The following PPEF2 variants were observed in gnomAD, a reference collection of about 807,000 sequenced individuals.
PPEF2 encodes protein phosphatase with EF-hand domain 2, also known as serine/threonine-protein phosphatase with EF-hands 2.
PPEF2 carries 84 observed loss-of-function variants against 84.7 expected under a neutral mutation model. The ratio of observed to expected loss-of-function variants is 0.99; its 90% CI spans 0.83 to 1.19. The LOEUF is 1.19. Ranked by LOEUF, PPEF2 falls within the 50% of genes most tolerant of loss-of-function variation. The pLI is 0.00. For synonymous variants in PPEF2, 346 were observed against 345.2 expected, an observed-to-expected ratio of 1.00 and a Z score of -0.03; for missense variants, 924 against 937.5, an observed-to-expected ratio of 0.99 and a Z score of 0.19.
chr4:75,881,289 A>G (rs13144242), intron 10 of PPEF2: 131,049 of 151,134 alleles, frequency 0.87, 59,528 homozygotes, highest in Non-Finnish European at 0.99. Flanking sequence ...TAGTAGAGAA[A>G]GGGTTTCACC....
At chr4:75,895,779 G>A (rs184799529) in intron 2 of PPEF2, among the ~76,000 whole-genome samples, 2 of 151,556 alleles carry the variant, frequency 1.3e-5, no homozygotes, top group Admixed American at 6.6e-5. Context: ...TTGATCTGTC[G>A]TCCAGGCTGG....
chr4:75,872,033 C>G lies in PPEF2; in HGVS notation c.1641G>C (p.Met547Ile), dbSNP rs1456896336. The G allele has an allele frequency of 3.8e-6, 6 of 1,594,660 alleles. No homozygotes were observed. In the South Asian group the frequency reaches 6.9e-5, roughly 18 times the overall value. ...TCATTGAAAAGTCTTGCCTTTGCCT[C>G]ATGGTGAGTGTGTGGGTCACCTTGT... ...QANKVTHTLT[M>I]RQRISRVEES... The change falls in exon 13 of 17, where the codon ATG (methionine) becomes ATC (isoleucine). Residue 547 changes from methionine to isoleucine, a missense_variant. Transcript: ENST00000286719.
In PPEF2 at chr4:75,876,281, G is replaced by A. The variant is rs767042563; in HGVS notation, c.1320+6C>T. 3.8e-6 allele frequency: 6 copies of A among 1,587,690 alleles called. No individual in the cohort carries two copies. The highest frequency in any genetic ancestry group is 3.7e-4 in the Middle Eastern group (2 of 5,348). On this transcript the variant is annotated splice_donor_region_variant and intron_variant, in intron 11 of 16. Transcript: ENST00000286719. Reference sequence around the variant, plus strand: ...ATGCTAGGAAGCAGCGCCTGGCCACGCTCACCTGCCTCCACTCCTCCTGAG... The same window carrying A: ...ATGCTAGGAAGCAGCGCCTGGCCACACTCACCTGCCTCCACTCCTCCTGAG...
At chr4:75,863,131 C>T (rs189161084) in intron 16 of PPEF2, among the ~76,000 whole-genome samples, 6 of 152,168 alleles carry the variant, frequency 3.9e-5, no homozygotes, top group Admixed American at 3.9e-4. Context: ...TTGCCAGGGA[C>T]TCGTGGAGGA....
At position 75,876,472 on chromosome 4, in the gene PPEF2, C is replaced by G; in HGVS notation, c.1135G>C (p.Gly379Arg). 2 of 1,613,970 alleles carry G rather than the reference C, an allele frequency of 1.2e-6. No individual in the cohort carries two copies. The highest frequency in any genetic ancestry group is 1.7e-6 in the Non-Finnish European group (2 of 1,179,922). The change falls in exon 11 of 17, where the codon GGT becomes CGT. Residue 379 changes from glycine to arginine, a missense_variant. Coordinates refer to ENST00000286719, the MANE Select transcript of PPEF2 (RefSeq NM_006239.3). ...TSRSSSIPCS[G>R]SLDGRELSRQ... ...GAGAGCTCCCGCCCGTCCAGGGAACCGCTGCAGGGGATGCTGGAGGACCTG... is the reference window on the plus strand; with the variant it reads ...GAGAGCTCCCGCCCGTCCAGGGAACGGCTGCAGGGGATGCTGGAGGACCTG...
intron 12 of PPEF2, 77 bp from the exon 13 acceptor site, chr4:75,872,244 T>C (rs560189375): frequency 1.5e-6 from 2 of 1,372,214 alleles, no homozygotes; most frequent in South Asian, 3.0e-5. Flanking sequence ...GTGGCCCAAC[T>C]CAACTGCAGA....
chr4:75,876,355 G>C lies in PPEF2; in HGVS notation c.1252C>G (p.Arg418Gly), dbSNP rs774655789. ...LVTGEKEEPS[R>G]SASEADSEAG... ...TCAGAGTCTGCTTCTGAGGCTGAGC[G>C]GGAGGGCTCCTCTTTCTCTCCGGTC... The change falls in exon 11 of 17, where the codon CGC (arginine) becomes GGC (glycine). Residue 418 changes from arginine (R) to glycine (G), a missense_variant. By Grantham distance (125) the Arg-to-Gly change is moderately radical (BLOSUM62 -2). Coordinates refer to ENST00000286719, the MANE Select transcript of PPEF2 (RefSeq NM_006239.3). 1.2e-6 allele frequency: 2 copies of C among 1,614,050 alleles called. No individual in the cohort carries two copies. The highest frequency in any genetic ancestry group is 8.5e-7 in the Non-Finnish European group (1 of 1,180,020).
intron 5 of PPEF2, 96 bp from the exon 6 acceptor site, chr4:75,888,424 A>G (rs1283957058): frequency 1.2e-6 from 1 of 804,038 alleles, no homozygotes. Context: ...CCCATCACCT[A>G]AGACCCCAAA....
rs541857972 is a variant in PPEF2 at position 75,871,234 on chromosome 4, G to A, written c.1649+791C>T. 1.2e-4 allele frequency among the ~76,000 whole-genome samples: 19 copies of A among 152,030 alleles called. No individual in the cohort carries two copies. In the East Asian group the frequency reaches 2.7e-3, roughly 22 times the overall value. Reference sequence around the variant, plus strand: ...CGCGCCCGGCCAAAATCTACCATTCGAGTAGTATTATATGCTTCCTTCCAG... The same window carrying A: ...CGCGCCCGGCCAAAATCTACCATTCAAGTAGTATTATATGCTTCCTTCCAG... On this transcript the variant is annotated intron_variant, in intron 13 of 16. Transcript: ENST00000286719.
rs1723954804 is a variant in PPEF2, at chr4:75,860,089, C to T, written c.*578G>A. On this transcript the variant is annotated 3_prime_UTR_variant, in exon 17 of 17. Transcript: ENST00000286719. ...ATAGGCTGGGTGCGGTGGCTCATGC[C>T]TGTAATCCCAGCACTTTGGGAGGCT... 1 of 152,328 alleles carries T rather than the reference C, an allele frequency of 6.6e-6. No individual in the cohort carries two copies. The highest frequency in any genetic ancestry group is 2.1e-4 in the South Asian group (1 of 4,838). 9.4% of individuals were successfully genotyped at this position (152,328 alleles called of 1,614,324 possible). A position where few individuals can be genotyped will look rare whatever the true frequency, so the allele number is the denominator to read the frequency against.
At chr4:75,888,371 A>G (rs764396279) in intron 5 of PPEF2, 43 bp from the exon 6 acceptor site, 18 of 1,436,330 alleles carry the variant, frequency 1.3e-5, no homozygotes, top group Non-Finnish European at 1.5e-5. Context: ...CAACACTGAT[A>G]TTCGTGAGGG....
chr4:75,892,649 G>C (rs1033790094), intron 2 of PPEF2, among the ~76,000 whole-genome samples: 2 of 152,208 alleles, frequency 1.3e-5, no homozygotes, highest in Admixed American at 1.3e-4. Flanking sequence ...CCCGTCATAA[G>C]ATAGACAGCA....
intron 12 of PPEF2, among the ~76,000 whole-genome samples, chr4:75,872,829 G>A (rs186447606): frequency 5.3e-5 from 8 of 152,252 alleles, no homozygotes; most frequent in East Asian, 1.9e-4. Flanking sequence ...CCTGGGGAGC[G>A]ACCTGAAGAA....
rs139969717 is a variant in PPEF2 at position 75,863,043 on chromosome 4, C to T, written c.2008+1397G>A. Among the ~76,000 whole-genome samples the T allele has an allele frequency of 9.5e-3, 1,439 of 152,236 alleles. 27 individuals carry two copies. The highest frequency in any genetic ancestry group is 0.033 in the African/African-American group (1,383 of 41,528). On this transcript the variant is annotated intron_variant, in intron 16 of 16. Coordinates refer to ENST00000286719, the MANE Select transcript of PPEF2 (RefSeq NM_006239.3). ...AGGCTAGGTGACATAATCCAGACAC[C>T]AAAGGCCATATTTTGACTCCATTTA...
chr4:75,900,399 A>C (rs547960762), intron 1 of PPEF2, among the ~76,000 whole-genome samples: 65 of 152,344 alleles, frequency 4.3e-4, no homozygotes, highest in African/African-American at 1.6e-3. Flanking sequence ...GAGATGAAAG[A>C]AATGAAGTCT....
chr4:75,866,512 A>C (rs1246856821), intron 14 of PPEF2, 160 bp from the exon 15 acceptor site: 3 of 872,832 alleles, frequency 3.4e-6, no homozygotes, highest in Admixed American at 4.0e-5. Context: ...GTTGGCTGGA[A>C]GCTAGGCTTG....
chr4:75,866,213 C>T lies in PPEF2; in HGVS notation c.1896G>A (p.Leu632=). ...MLEYKSWLKN[L]AKEQLSRENI... The stretch of plus-strand genomic sequence containing the variant: ...CCTCGCGACTCAGTTGTTCCTTGGC[C>T]AAGTTCTTCAGCCAAGACTTGTACT... Residue 632 remains leucine, a synonymous_variant, in exon 15 of 17, where the codon TTG becomes TTA. Transcript: ENST00000286719. 6.2e-7 allele frequency: 1 copy of T among 1,613,560 alleles called. No individual in the cohort carries two copies. The highest frequency in any genetic ancestry group is 8.5e-7 in the Non-Finnish European group (1 of 1,179,696).
intron 2 of PPEF2, among the ~76,000 whole-genome samples, chr4:75,894,617 T>C (rs1003976883): frequency 1.3e-5 from 2 of 152,128 alleles, no homozygotes; most frequent in African/African-American, 4.8e-5. Context: ...ACCAGACACA[T>C]GTCTCAGGAG....
intron 14 of PPEF2, 61 bp from the exon 15 acceptor site, chr4:75,866,413 T>C: frequency 1.9e-6 from 3 of 1,577,626 alleles, no homozygotes; most frequent in Non-Finnish European, 2.6e-6. Flanking sequence ...TGCCCAATGG[T>C]GTGTATATTT....
Sources: allele counts gnomAD v4.1 joint callset (sites outside exome capture counted in the v4.1 genomes callset), GRCh38; gene constraint gnomAD v4.1.1; transcripts MANE v1.5; gene names NCBI Gene and HGNC (gene_info 2026-07-23, HGNC 2026-07-21).